Variants in RPS6KA5 observed in about 807,000 individuals in gnomAD.
RPS6KA5 encodes the protein ribosomal protein S6 kinase alpha-5.
In RPS6KA5, 27 loss-of-function variants were observed where a neutral mutation model predicts 85.5. That is an observed-to-expected ratio of 0.32 (90% CI 0.23 to 0.44). RPS6KA5 has a LOEUF of 0.44. Among genes scored for constraint, RPS6KA5 ranks in the 20% least tolerant of loss-of-function variants. RPS6KA5 has a pLI of 1.00. For synonymous variants in RPS6KA5, 334 were observed against 348.2 expected (o/e 0.96, Z 0.46); for missense variants, 811 against 980.9 (o/e 0.83, Z 2.31).
At chr14:90,889,760 A>G (rs1336064262) in intron 14 of RPS6KA5, among the ~76,000 whole-genome samples, 3 of 152,216 alleles carry the variant, frequency 2.0e-5, no homozygotes, top group Non-Finnish European at 4.4e-5. Flanking sequence ...AAACATGTGG[A>G]AAGATGAAAA....
At chr14:90,928,912 T>C (rs920960827) in intron 5 of RPS6KA5, among the ~76,000 whole-genome samples, 95 of 152,000 alleles carry the variant, frequency 6.3e-4, no homozygotes, top group African/African-American at 1.4e-4. Context: ...AGGAAAATTA[T>C]AGGTCAACTT....
At chr14:91,026,109 C>T (rs947980533) in intron 1 of RPS6KA5, among the ~76,000 whole-genome samples, 1 of 152,120 alleles carries the variant, frequency 6.6e-6, no homozygotes, top group South Asian at 2.1e-4. Flanking sequence ...AATTCTGTTC[C>T]GGAATTAAAT....
chr14:91,044,307 G>C (rs1053828829), intron 1 of RPS6KA5, among the ~76,000 whole-genome samples: 1 of 140,674 alleles, frequency 7.1e-6, no homozygotes, highest in African/African-American at 2.7e-5. Flanking sequence ...GAGAGAGAAA[G>C]AGAGAGAGAG....
intron 16 of RPS6KA5, among the ~76,000 whole-genome samples, chr14:90,872,769 T>C (rs942813107): frequency 1.3e-5 from 2 of 152,218 alleles, no homozygotes; most frequent in African/African-American, 4.8e-5. Context: ...CAATGTCATT[T>C]GGATATATAC....
intron 1 of RPS6KA5, among the ~76,000 whole-genome samples, chr14:91,053,571 A>G (rs2043182599): frequency 6.6e-6 from 1 of 152,206 alleles, no homozygotes. Context: ...AAATAAAAGT[A>G]AGAAACTAGT....
At chr14:90,972,826 T>A (rs1479216327) in intron 3 of RPS6KA5, among the ~76,000 whole-genome samples, 1 of 152,150 alleles carries the variant, frequency 6.6e-6, no homozygotes, top group East Asian at 1.9e-4. Context: ...CGGGAAAGTA[T>A]TTACAATGCC....
At chr14:90,996,066 C>T (rs2040505895) in intron 2 of RPS6KA5, among the ~76,000 whole-genome samples, 1 of 152,180 alleles carries the variant, frequency 6.6e-6, no homozygotes, top group South Asian at 2.1e-4. Flanking sequence ...GGCTGGAGAG[C>T]AATGGCACAA....
chr14:91,031,409 A>T (rs2042182390), intron 1 of RPS6KA5, among the ~76,000 whole-genome samples: 1 of 152,236 alleles, frequency 6.6e-6, no homozygotes, highest in Admixed American at 6.5e-5. Flanking sequence ...GAGGACAGCC[A>T]TTGGATCCAG....
intron 5 of RPS6KA5, among the ~76,000 whole-genome samples, chr14:90,939,728 G>A (rs1250936142): frequency 6.6e-6 from 1 of 151,922 alleles, no homozygotes; most frequent in African/African-American, 2.4e-5. Context: ...CTGCCCCCAT[G>A]ATTCAGTTAA....
intron 14 of RPS6KA5, among the ~76,000 whole-genome samples, chr14:90,887,945 C>CAAAA (rs34947711): frequency 1.4e-4 from 6 of 42,764 alleles, no homozygotes; most frequent in East Asian, 2.3e-3. Flanking sequence ...GAGGCTATCG[C>CAAAA]AAAAAAAAAA....
chr14:90,981,275 A>C (rs1190960881), intron 2 of RPS6KA5, among the ~76,000 whole-genome samples: 2 of 152,202 alleles, frequency 1.3e-5, no homozygotes, highest in East Asian at 3.8e-4. Flanking sequence ...CTTCTTCTAT[A>C]AGATAATCTT....
chr14:90,943,068 A>C lies in RPS6KA5; in HGVS notation c.618+10T>G. The C allele has an allele frequency of 6.8e-7, 1 of 1,475,362 alleles. No homozygotes were observed. Among genetic ancestry groups the C allele is most frequent in the South Asian group, 1.1e-5 (1 of 87,410 alleles). 91.4% of individuals were successfully genotyped at this position (1,475,362 alleles called of 1,614,324 possible). ...CTGTTATTACTAACTTCAAATTAAA[A>C]TATACTCACTTCATCAGCCACAAAC... On this transcript the variant is annotated intron_variant, in intron 5 of 16. Coordinates refer to ENST00000614987, the MANE Select transcript of RPS6KA5 (RefSeq NM_004755.4).
intron 1 of RPS6KA5, among the ~76,000 whole-genome samples, chr14:91,042,834 G>A (rs547563428): frequency 3.3e-5 from 5 of 152,150 alleles, no homozygotes; most frequent in South Asian, 4.2e-4. Context: ...CTATGAAACT[G>A]TAGTACTAGG....
intron 13 of RPS6KA5, among the ~76,000 whole-genome samples, chr14:90,893,130 T>C (rs191152508): frequency 6.6e-6 from 1 of 152,176 alleles, no homozygotes; most frequent in South Asian, 2.1e-4. Flanking sequence ...ATGGAACAGA[T>C]CTTTTCAATT....
At position 91,036,098 on chromosome 14, in the gene RPS6KA5, T is replaced by TGG. The variant is rs11432593; in HGVS notation, c.103+24232_103+24233dup. Among the ~76,000 whole-genome samples the TGG allele has an allele frequency of 2.2e-4, 34 of 151,760 alleles. 1 individual carries two copies. The South Asian group carries it at 4.0e-3, about 18-fold the overall frequency. ...ACACAGACATTTTCAAAATAGACTG[T>TGG]GGGGGGTGCAACTCCCCACAGTGAA... On this transcript the variant is annotated intron_variant, in intron 1 of 16. Transcript: ENST00000614987.
intron 9 of RPS6KA5, among the ~76,000 whole-genome samples, chr14:90,901,469 T>G (rs2035166450): frequency 6.6e-6 from 1 of 152,274 alleles, no homozygotes; most frequent in Non-Finnish European, 1.5e-5. Context: ...TATTTGATTC[T>G]TATTAATATC....
At chr14:90,949,529 T>A (rs1405804383) in intron 3 of RPS6KA5, among the ~76,000 whole-genome samples, 1 of 152,164 alleles carries the variant, frequency 6.6e-6, no homozygotes, top group Admixed American at 6.5e-5. Context: ...GAACACAAAT[T>A]CTTAATACTG....
intron 5 of RPS6KA5, among the ~76,000 whole-genome samples, chr14:90,938,467 CTG>C (rs1167061326): frequency 1.3e-5 from 2 of 152,348 alleles, no homozygotes; most frequent in East Asian, 3.9e-4. Context: ...AGTAGGAACT[CTG>C]TGTAGGGGAT....
intron 14 of RPS6KA5, among the ~76,000 whole-genome samples, chr14:90,888,164 GT>G (rs1595131761): frequency 6.6e-6 from 1 of 151,846 alleles, no homozygotes; most frequent in Non-Finnish European, 1.5e-5. Flanking sequence ...CATTTAACCT[GT>G]TTTTTTGTCC....
Sources: allele counts gnomAD v4.1 joint callset (sites outside exome capture counted in the v4.1 genomes callset), GRCh38; gene constraint gnomAD v4.1.1; transcripts MANE v1.5; gene names NCBI Gene and HGNC (gene_info 2026-07-23, HGNC 2026-07-21).